Variants in SEL1L observed in about 807,000 individuals in gnomAD.
The protein encoded by SEL1L is SEL1L adaptor subunit of SYVN1 ubiquitin ligase.
A neutral mutation model predicts 109.8 loss-of-function variants in SEL1L; 52 were observed. That is an observed-to-expected ratio of 0.47 (90% CI 0.38 to 0.60). SEL1L has a LOEUF of 0.60. Ranked by LOEUF, SEL1L falls within the 20% of genes least tolerant of loss-of-function variation. SEL1L has a pLI of 0.00. For missense variants in SEL1L, 749 were observed against 962.2 expected (o/e 0.78, Z 2.93); for synonymous variants, 373 against 339.6 (o/e 1.10, Z -1.08).
At position 81,514,335 on chromosome 14, in the gene SEL1L, G is replaced by A. The variant is rs182125881; in HGVS notation, c.341-8094C>T. On this transcript the variant is annotated intron_variant, in intron 3 of 20. Coordinates refer to ENST00000336735, the MANE Select transcript of SEL1L (RefSeq NM_005065.6). ...AAGGCATCACTCTTCCAACTCTGGA[G>A]ATCCCTCCCCTCCCTTAGGGTATGG... Among the ~76,000 whole-genome samples, 655 of 152,344 alleles carry A rather than the reference G, an allele frequency of 4.3e-3. 6 individuals are homozygous for A. Among genetic ancestry groups the A allele is most frequent in the African/African-American group, 0.015 (633 of 41,578 alleles).
At chr14:81,516,269 C>A (rs1462628245) in intron 3 of SEL1L, among the ~76,000 whole-genome samples, 2 of 152,172 alleles carry the variant, frequency 1.3e-5, no homozygotes, top group African/African-American at 2.4e-5. Context: ...CTCCTGGACA[C>A]TGTGGCCTTC....
At chr14:81,501,849 T>A (rs1884022740) in intron 6 of SEL1L, among the ~76,000 whole-genome samples, 1 of 152,088 alleles carries the variant, frequency 6.6e-6, no homozygotes, top group Non-Finnish European at 1.5e-5. Context: ...TTTACTTGTA[T>A]TCATCAGCCT....
At chr14:81,532,070 T>A (rs1465771755) in intron 1 of SEL1L, among the ~76,000 whole-genome samples, 2 of 152,224 alleles carry the variant, frequency 1.3e-5, no homozygotes, top group Non-Finnish European at 2.9e-5. Flanking sequence ...AGTCTTTTAT[T>A]ACAACATCCT....
intron 3 of SEL1L, among the ~76,000 whole-genome samples, chr14:81,507,422 T>A (rs1252437650): frequency 6.6e-6 from 1 of 151,758 alleles, no homozygotes; most frequent in East Asian, 1.9e-4. Context: ...TTTCTAGATG[T>A]GTGGATAAGA....
intron 1 of SEL1L, among the ~76,000 whole-genome samples, 157 bp downstream of exon 1, chr14:81,533,518 G>C (rs1885415774): frequency 6.6e-6 from 1 of 152,182 alleles, no homozygotes; most frequent in Admixed American, 6.5e-5. Flanking sequence ...AGCCCCTTTG[G>C]CGCAGGCCAA....
In SEL1L at chr14:81,533,658, A is replaced by T. The variant is rs776697121; in HGVS notation, c.70+17T>A. ...GCGGAGGCTCTGGGCCTTCAGCCCG[A>T]GGGGGCGGATACTGACCCGAGGACG... On this transcript the variant is annotated intron_variant, in intron 1 of 20. Coordinates refer to ENST00000336735, the MANE Select transcript of SEL1L (RefSeq NM_005065.6). The T allele has an allele frequency of 6.2e-7, 1 of 1,610,824 alleles. No homozygotes were observed. Among genetic ancestry groups the T allele is most frequent in the Non-Finnish European group, 8.5e-7 (1 of 1,179,180 alleles).
intron 3 of SEL1L, among the ~76,000 whole-genome samples, chr14:81,511,048 C>T (rs1884457643): frequency 2.0e-5 from 3 of 152,156 alleles, no homozygotes; most frequent in South Asian, 2.1e-4. Context: ...TGGGAATATG[C>T]TATAGTAATA....
Position 81,489,882 on chromosome 14 carries a change from G to T in SEL1L, c.1332+506C>A, listed in dbSNP as rs118144803. On this transcript the variant is annotated intron_variant, in intron 13 of 20. Transcript: ENST00000336735. ...GACAGAAGACATCTTTAAAAAGATT[G>T]TCATAGCATTCCTTTGGGAAGCATT... Among the ~76,000 whole-genome samples, 330 of 152,242 alleles carry T rather than the reference G, an allele frequency of 2.2e-3. 2 individuals are homozygous for T. The Middle Eastern group carries it at 0.037, about 17-fold the overall frequency.
intron 5 of SEL1L, among the ~76,000 whole-genome samples, chr14:81,503,346 AT>A (rs953200086): frequency 6.6e-6 from 1 of 150,894 alleles, no homozygotes; most frequent in African/African-American, 2.4e-5. Flanking sequence ...CCTTTTTTTA[AT>A]TTTTTTTTGA....
At chr14:81,519,566 A>T (rs944758670) in intron 3 of SEL1L, among the ~76,000 whole-genome samples, 2 of 152,192 alleles carry the variant, frequency 1.3e-5, no homozygotes, top group Non-Finnish European at 2.9e-5. Flanking sequence ...TAAATAGAAG[A>T]AGTTTGGATT....
At position 81,508,271 on chromosome 14, in the gene SEL1L, A is replaced by C. The variant is rs183814351; in HGVS notation, c.341-2030T>G. ...AATGTCACTCATCATCCTGGTAATA[A>C]GAGGCAAATAACTTTTTTTACCTTT... is the stretch of plus-strand genomic sequence containing the variant. On this transcript the variant is annotated intron_variant, in intron 3 of 20. Transcript: ENST00000336735. Among the ~76,000 whole-genome samples the C allele has an allele frequency of 2.2e-3, 329 of 152,314 alleles. 2 individuals are homozygous for C. The Middle Eastern group carries it at 0.037, about 17-fold the overall frequency.
chr14:81,498,087 G>A (rs771504064), intron 9 of SEL1L, 41 bp from the exon 10 acceptor site: 2 of 1,578,778 alleles, frequency 1.3e-6, no homozygotes, highest in Admixed American at 1.8e-5. Flanking sequence ...AGGAAAATCA[G>A]AAGAATTGTT....
intron 5 of SEL1L, among the ~76,000 whole-genome samples, chr14:81,503,894 T>C (rs147353668): frequency 1.7e-3 from 263 of 152,334 alleles, no homozygotes; most frequent in African/African-American, 6.1e-3. Context: ...CAATTCTTTT[T>C]GTTTTATGTC....
At chr14:81,482,910 T>C (rs1903405778) in intron 19 of SEL1L, among the ~76,000 whole-genome samples, 1 of 152,198 alleles carries the variant, frequency 6.6e-6, no homozygotes, top group African/African-American at 2.4e-5. Context: ...ATTTCATAAG[T>C]CTTGGTAAAG....
At chr14:81,520,163 G>C (rs1245084893) in intron 3 of SEL1L, among the ~76,000 whole-genome samples, 1 of 152,086 alleles carries the variant, frequency 6.6e-6, no homozygotes, top group African/African-American at 2.4e-5. Context: ...CCATATATAT[G>C]CAATTTATGT....
rs1883502604 is a variant in SEL1L at position 81,490,573 on chromosome 14, A to G, written c.1255-108T>C. 4 of 864,846 alleles carry G rather than the reference A, an allele frequency of 4.6e-6. No individual in the cohort carries two copies. The African/African-American group carries it at 6.8e-5, about 15-fold the overall frequency. 53.6% of individuals were successfully genotyped at this position (864,846 alleles called of 1,614,324 possible). The stretch of plus-strand genomic sequence containing the variant: ...TTGTCAGATCTCATTAAATCTTTCC[A>G]AAAAATTTAGAATTCCCCACAGGAT... On this transcript the variant is annotated intron_variant, in intron 12 of 20. Transcript: ENST00000336735.
At chr14:81,492,251 A>G (rs1211848245) in intron 12 of SEL1L, among the ~76,000 whole-genome samples, 1 of 152,146 alleles carries the variant, frequency 6.6e-6, no homozygotes, top group Non-Finnish European at 1.5e-5. Context: ...TCAGCCTCCC[A>G]AAGTGCTGGG....
intron 3 of SEL1L, among the ~76,000 whole-genome samples, chr14:81,516,860 C>G (rs1231737927): frequency 6.6e-6 from 1 of 152,160 alleles, no homozygotes; most frequent in East Asian, 1.9e-4. Flanking sequence ...AAGCTTCTAC[C>G]TTGTTTCCTC....
chr14:81,530,613 T>C (rs908987868), intron 1 of SEL1L, among the ~76,000 whole-genome samples: 3 of 152,160 alleles, frequency 2.0e-5, no homozygotes, highest in Non-Finnish European at 4.4e-5. Context: ...TAAGAAAGCA[T>C]GCATTTGTGA....
Sources: allele counts gnomAD v4.1 joint callset (sites outside exome capture counted in the v4.1 genomes callset), GRCh38; gene constraint gnomAD v4.1.1; transcripts MANE v1.5; gene names NCBI Gene and HGNC (gene_info 2026-07-23, HGNC 2026-07-21).